The following LTBR variants were observed in gnomAD, a reference collection of about 807,000 sequenced individuals.
LTBR encodes the protein lymphotoxin beta receptor.
Under a neutral mutation model 45.4 loss-of-function variants are expected in LTBR, and 15 were observed. That is an observed-to-expected ratio of 0.33 (90% CI 0.22 to 0.51). The LOEUF is 0.51. LTBR is among the 20% of genes least tolerant of loss of function. LTBR has a pLI of 0.97. For missense variants in LTBR, 450 were observed against 565.5 expected (o/e 0.80, Z 2.07); for synonymous variants, 228 against 231.0 (o/e 0.99, Z 0.12).
Position 6,386,275 on chromosome 12 carries a change from C to T in LTBR, c.570-72C>T, listed in dbSNP as rs372464816. On this transcript the variant is annotated intron_variant, in intron 5 of 9. Coordinates refer to ENST00000228918, the MANE Select transcript of LTBR (RefSeq NM_002342.3). The surrounding 1 kb of genome is among the most constrained non-coding windows in gnomAD (Gnocchi z 4.1). ...CTCGACTCACCACTTTCAGCCTCCC[C>T]GCCTGCCCAGTGGAGTCGGGACACT... 32 of 1,503,400 alleles carry T rather than the reference C, an allele frequency of 2.1e-5. No individual in the cohort carries two copies. Among genetic ancestry groups the T allele is most frequent in the East Asian group, 2.0e-4 (9 of 43,910 alleles). The allele number at this position is 1,503,400 out of a possible 1,614,324, so 93.1% of individuals were successfully genotyped here.
At chr12:6,382,410 G>A (rs933360568), upstream of LTBR, among the ~76,000 whole-genome samples, 1 of 152,160 alleles carries the variant, frequency 6.6e-6, no homozygotes, top group South Asian at 2.1e-4. Flanking sequence ...CTTGCATGTG[G>A]AATTTCCACA....
At chr12:6,375,615 G>T (rs963164835) in intron 1 of LTBR, 1 of 821,734 alleles carries the variant, frequency 1.2e-6, no homozygotes, top group Non-Finnish European at 1.9e-6. Flanking sequence ...CGGGGGGAGG[G>T]GCTGAGGAGG....
intron 6 of LTBR, chr12:6,387,926 G>C (rs1225479564): frequency 2.3e-6 from 1 of 441,760 alleles, no homozygotes; most frequent in East Asian, 7.1e-5. Flanking sequence ...GGTACAGCAG[G>C]GCAACCCTAG....
upstream of LTBR, among the ~76,000 whole-genome samples, chr12:6,380,593 G>A (rs1437140135): frequency 6.6e-6 from 1 of 151,922 alleles, no homozygotes; most frequent in Non-Finnish European, 1.5e-5. Flanking sequence ...GGAGGCTGAG[G>A]CCAGGAAAAT....
upstream of LTBR, among the ~76,000 whole-genome samples, chr12:6,379,948 CA>C (rs769215877): frequency 2.1e-3 from 252 of 119,226 alleles, 3 homozygotes; most frequent in East Asian, 0.021. Context: ...AAAAAAAAAA[CA>C]AAAAAAAAAA....
upstream of LTBR, among the ~76,000 whole-genome samples, chr12:6,380,677 G>C (rs1450633927): frequency 1.3e-5 from 2 of 148,472 alleles, no homozygotes; most frequent in Non-Finnish European, 3.0e-5. Flanking sequence ...GCGACAGACT[G>C]AGACTCTGTC....
chr12:6,389,972 A>G (rs1227198715), intron 8 of LTBR, 140 bp from the exon 9 acceptor site: 1 of 654,918 alleles, frequency 1.5e-6, no homozygotes, highest in Non-Finnish European at 2.7e-6. Context: ...AAAGAAAGAG[A>G]GAGAGAGAAA....
chr12:6,375,675 G>A (rs765963592), intron 1 of LTBR: 12 of 1,464,954 alleles, frequency 8.2e-6, no homozygotes, highest in Non-Finnish European at 1.1e-5. Flanking sequence ...GAGGGCAGGT[G>A]AACTGGGAGT....
upstream of LTBR, chr12:6,383,905 C>A: frequency 1.9e-6 from 1 of 516,630 alleles, no homozygotes; most frequent in Non-Finnish European, 2.5e-6. Context: ...CCCTGCGAGG[C>A]TTGTCCAAGG....
At chr12:6,375,311 C>G, upstream of LTBR, 3 of 1,438,138 alleles carry the variant, frequency 2.1e-6, no homozygotes, top group South Asian at 1.5e-5. Flanking sequence ...TTGCCTTGCC[C>G]CCTCTCACTC....
chr12:6,385,046 G>C lies in LTBR; in HGVS notation c.218G>C (p.Ser73Thr). The change falls in exon 3 of 10, where the codon AGC (serine) becomes ACC (threonine). Residue 73 changes from serine to threonine, a missense_variant. Coordinates refer to ENST00000228918, the MANE Select transcript of LTBR (RefSeq NM_002342.3). ...PPGTYVSAKC[S>T]RIRDTVCATC... is the part of the protein sequence containing the mutation. Reference sequence around the variant, plus strand: ...GGCACCTATGTCTCAGCTAAATGTAGCCGCATCCGGGACACAGTTTGTGCC... The same window carrying C: ...GGCACCTATGTCTCAGCTAAATGTACCCGCATCCGGGACACAGTTTGTGCC... 6.2e-7 allele frequency: 1 copy of C among 1,614,206 alleles called. No individual in the cohort carries two copies. Among genetic ancestry groups the C allele is most frequent in the Non-Finnish European group, 8.5e-7 (1 of 1,180,036 alleles).
rs1592103386 is a variant in LTBR at position 6,391,006 on chromosome 12, C to T, written c.*69C>T. On this transcript the variant is annotated 3_prime_UTR_variant, in exon 10 of 10. Coordinates refer to ENST00000228918, the MANE Select transcript of LTBR (RefSeq NM_002342.3). Reference sequence around the variant, plus strand: ...TTCTCCCTTGAGGCTGCCCTGCCCACGTGGGATTCACAGGGGCCTGAGTAG... The same window carrying T: ...TTCTCCCTTGAGGCTGCCCTGCCCATGTGGGATTCACAGGGGCCTGAGTAG... The T allele has an allele frequency of 1.2e-5, 17 of 1,442,328 alleles. No individual in the cohort carries two copies. Among genetic ancestry groups the T allele is most frequent in the East Asian group, 5.0e-5 (2 of 39,862 alleles). The allele number at this position is 1,442,328 out of a possible 1,614,324, so 89.3% of individuals were successfully genotyped here. A position where few individuals can be genotyped will look rare whatever the true frequency, so the allele number is the denominator to read the frequency against.
chr12:6,385,966 G>T (rs1949040743), intron 4 of LTBR, 100 bp from the exon 5 acceptor site: 11 of 782,524 alleles, frequency 1.4e-5, no homozygotes, highest in Non-Finnish European at 4.6e-6. Flanking sequence ...TACGCAATGG[G>T]GTGGATGGGC....
chr12:6,384,996 G>C (rs756034024), intron 2 of LTBR, 26 bp from the exon 3 acceptor site: 3 of 1,613,946 alleles, frequency 1.9e-6, no homozygotes, highest in Admixed American at 1.7e-5. Flanking sequence ...GTCTCCTGAG[G>C]CTCTACTGCT....
intron 1 of LTBR, among the ~76,000 whole-genome samples, chr12:6,376,494 G>A (rs1948912340): frequency 6.6e-6 from 1 of 152,248 alleles, no homozygotes; most frequent in Non-Finnish European, 1.5e-5. Context: ...GGCACTGAAG[G>A]TGCAGGGAGG....
At chr12:6,384,985 C>CG (rs770925957) in intron 2 of LTBR, 37 bp from the exon 3 acceptor site, 1 of 1,613,444 alleles carries the variant, frequency 6.2e-7, no homozygotes. Flanking sequence ...GGTGGAGCCT[C>CG]GTCTCCTGAG....
rs1251737263 is a variant in LTBR, at chr12:6,384,578, C to G, written c.97-10C>G. 6.2e-7 allele frequency: 1 copy of G among 1,613,220 alleles called. No homozygotes were observed. The highest frequency in any genetic ancestry group is 1.3e-5 in the African/African-American group (1 of 74,942). The stretch of plus-strand genomic sequence containing the variant: ...AATTCTTCTCTCCTCTTCTCCATCT[C>G]CCTTTGAAGGTGCCTCCATATGCGT... On this transcript the variant is annotated splice_polypyrimidine_tract_variant and intron_variant, in intron 1 of 9. Transcript: ENST00000228918.
At chr12:6,385,405 G>T in intron 4 of LTBR, 26 bp downstream of exon 4, 1 of 1,611,696 alleles carries the variant, frequency 6.2e-7, no homozygotes, top group Non-Finnish European at 8.5e-7. Flanking sequence ...GGGGCTGGAT[G>T]TGAAAAGGAG....
upstream of LTBR, among the ~76,000 whole-genome samples, chr12:6,380,564 G>T (rs1413366890): frequency 6.6e-6 from 1 of 152,064 alleles, no homozygotes; most frequent in Non-Finnish European, 1.5e-5. Flanking sequence ...CATGCCTGTA[G>T]TCCCAGCTAC....
Sources: gnomAD v4.1 joint callset for allele counts (sites outside exome capture counted in the v4.1 genomes callset) on GRCh38, gnomAD v4.1.1 for gene constraint, Gnocchi (gnomAD v3.1) non-coding constraint, MANE v1.5 for transcripts, NCBI Gene and HGNC (gene_info 2026-07-23, HGNC 2026-07-21) for gene names.